The following GBP4 variants were observed in gnomAD, a reference collection of about 807,000 sequenced individuals.
GBP4 encodes guanylate-binding protein 4.
In GBP4, 69 loss-of-function variants were observed where a neutral mutation model predicts 62.2. The ratio of observed to expected loss-of-function variants is 1.11; its 90% CI spans 0.91 to 1.36. The LOEUF (loss-of-function observed/expected upper bound fraction) is 1.36. GBP4 is among the 40% of genes most tolerant of loss of function. GBP4 has a pLI of 0.00. For synonymous variants in GBP4, 278 were observed against 274.6 expected (o/e 1.01, Z -0.12); for missense variants, 697 against 759.3 (o/e 0.92, Z 0.96).
Position 89,195,304 on chromosome 1 carries a change from A to T in GBP4, c.356T>A (p.Val119Glu), listed in dbSNP as rs138693968. The change falls in exon 3 of 11, where the codon GTA becomes GAA. Residue 119 changes from valine to glutamate, a missense_variant. This residue lies in a region of GBP4 where 556 missense variants were observed against 562.7 expected (regional missense o/e 0.99). Coordinates refer to ENST00000355754, the MANE Select transcript of GBP4 (RefSeq NM_052941.5). ...VLLDTEGLGD[V>E]EKSNPKNDSW... is the part of the protein sequence containing the mutation. ...GAAGTTTCTCTGCCTTACCTTTTCTACATCGCCCAGGCCCTCGGTGTCCAG... is the reference window on the plus strand; with the variant it reads ...GAAGTTTCTCTGCCTTACCTTTTCTTCATCGCCCAGGCCCTCGGTGTCCAG... 6.2e-7 allele frequency: 1 copy of T among 1,613,702 alleles called. No homozygotes were observed. Among genetic ancestry groups the T allele is most frequent in the African/African-American group, 1.3e-5 (1 of 74,916 alleles).
At chr1:89,198,670 C>A in intron 1 of GBP4, 125 bp downstream of exon 1, 1 of 844,052 alleles carries the variant, frequency 1.2e-6, no homozygotes, top group Non-Finnish European at 2.0e-6. Flanking sequence ...GGTTCCTCCA[C>A]TGCCTTTGTC....
At chr1:89,195,681 A>T (rs1197874659) in intron 2 of GBP4, among the ~76,000 whole-genome samples, 1 of 152,178 alleles carries the variant, frequency 6.6e-6, no homozygotes, top group Non-Finnish European at 1.5e-5. Context: ...AGGAAGTAGG[A>T]CATTAGGGGG....
intron 2 of GBP4, among the ~76,000 whole-genome samples, chr1:89,196,522 G>C (rs1557476955): frequency 1.3e-5 from 2 of 152,126 alleles, no homozygotes; most frequent in Non-Finnish European, 2.9e-5. Flanking sequence ...TTTATTTCTT[G>C]ATCTGGATAG....
At chr1:89,192,588 A>G (rs946829645) in intron 5 of GBP4, among the ~76,000 whole-genome samples, 1 of 152,254 alleles carries the variant, frequency 6.6e-6, no homozygotes, top group Admixed American at 6.5e-5. Flanking sequence ...TAAGTAACAC[A>G]AATATATGAG....
chr1:89,186,890 G>A lies in GBP4; in HGVS notation c.1513+110C>T, dbSNP rs41312660. The A allele has an allele frequency of 1.7e-5, 16 of 953,596 alleles. No homozygotes were observed. The African/African-American group carries it at 2.0e-4, about 12-fold the overall frequency. The allele number at this position is 953,596 out of a possible 1,614,324, so 59.1% of individuals were successfully genotyped here. ...GAACTTATTAATATTTTAACTCAATGTTTGTGACTTTTGAAGCTCCTTTTA... is the reference window on the plus strand; with the variant it reads ...GAACTTATTAATATTTTAACTCAATATTTGTGACTTTTGAAGCTCCTTTTA... On this transcript the variant is annotated intron_variant, in intron 9 of 10. Coordinates refer to ENST00000355754, the MANE Select transcript of GBP4 (RefSeq NM_052941.5).
chr1:89,190,523 T>A (rs1648153119), intron 6 of GBP4, among the ~76,000 whole-genome samples: 1 of 152,166 alleles, frequency 6.6e-6, no homozygotes, highest in Admixed American at 6.5e-5. Context: ...TTCACTCTTT[T>A]TTATGGCTCT....
chr1:89,193,517 A>G (rs1382045620), intron 3 of GBP4, 105 bp from the exon 4 acceptor site: 4 of 968,692 alleles, frequency 4.1e-6, no homozygotes. Flanking sequence ...GTTGAATAAT[A>G]GGGTAAATAA....
At chr1:89,197,340 G>C (rs1383352338) in intron 1 of GBP4, 36 bp from the exon 2 acceptor site, 12 of 1,579,026 alleles carry the variant, frequency 7.6e-6, no homozygotes, top group Middle Eastern at 1.8e-4. Flanking sequence ...TAGAATACAA[G>C]ATCTTGAAGT....
intron 8 of GBP4, among the ~76,000 whole-genome samples, chr1:89,187,854 T>G (rs1024854480): frequency 1.3e-5 from 2 of 152,236 alleles, no homozygotes; most frequent in South Asian, 2.1e-4. Context: ...GGCAAAGATA[T>G]GGAGAAAAGG....
Position 89,183,200 on chromosome 1 carries a change from G to C in GBP4, c.*2054C>G, listed in dbSNP as rs1647934074. The C allele has an allele frequency of 6.6e-6, 1 of 152,134 alleles. No individual in the cohort carries two copies. The highest frequency in any genetic ancestry group is 1.5e-5 in the Non-Finnish European group (1 of 68,024). 9.4% of individuals were successfully genotyped at this position (152,134 alleles called of 1,614,324 possible). A position where few individuals can be genotyped will look rare whatever the true frequency, so the allele number is the denominator to read the frequency against. On this transcript the variant is annotated 3_prime_UTR_variant, in exon 11 of 11. Transcript: ENST00000355754. ...ACAGCATGGTATTAGTAGAAAAACAGACACACAGATAAATGGAACATAACA... is the reference window on the plus strand; with the variant it reads ...ACAGCATGGTATTAGTAGAAAAACACACACACAGATAAATGGAACATAACA...
rs930548447 is a variant in GBP4 at position 89,186,672 on chromosome 1, A to G, written c.1514-146T>C. On this transcript the variant is annotated intron_variant, in intron 9 of 10. Transcript: ENST00000355754. ...AATTATCTCACTAGCCATGTCTGGA[A>G]GAGAATGTTGAATAATGTGATGCGA... The G allele has an allele frequency of 1.8e-5, 14 of 792,566 alleles. No individual in the cohort carries two copies. In the African/African-American group the frequency reaches 2.4e-4, roughly 14 times the overall value. 49.1% of individuals were successfully genotyped at this position (792,566 alleles called of 1,614,324 possible).
At chr1:89,185,694 TAGAA>T (rs1460064747) in intron 10 of GBP4, among the ~76,000 whole-genome samples, 1 of 152,096 alleles carries the variant, frequency 6.6e-6, no homozygotes, top group African/African-American at 2.4e-5. Context: ...TCACTGGAGG[TAGAA>T]AGAAATTTTG....
At position 89,190,100 on chromosome 1, in the gene GBP4, T is replaced by C. The variant is rs1831240; in HGVS notation, c.1135A>G (p.Ile379Val). The change falls in exon 7 of 11, where the codon ATT becomes GTT. Residue 379 changes from isoleucine (I) to valine (V), a missense_variant. Transcript: ENST00000355754. ...AAGGAGTGCTCCATGAAGACTGCAA[T>C]GGCTTCCCTCTCACAGGCTGCATGC... ...DVHAACEREA[I>V]AVFMEHSFKD... 21,643 of 1,614,106 alleles carry C rather than the reference T, an allele frequency of 0.013. 2,344 individuals are homozygous for C. The African/African-American group carries it at 0.25, about 18-fold the overall frequency.
intron 3 of GBP4, among the ~76,000 whole-genome samples, chr1:89,194,387 G>A (rs115241678): frequency 0.03 from 4,532 of 152,152 alleles, 69 homozygotes; most frequent in Middle Eastern, 0.048. Flanking sequence ...CTTGACAAAC[G>A]TAATTAGACA....
intron 8 of GBP4, among the ~76,000 whole-genome samples, chr1:89,187,722 G>T (rs761758551): frequency 1.2e-4 from 19 of 152,144 alleles, no homozygotes; most frequent in Non-Finnish European, 2.5e-4. Flanking sequence ...TGGCCAACAG[G>T]TATGTGAAAG....
intron 10 of GBP4, among the ~76,000 whole-genome samples, chr1:89,185,796 ATC>A (rs1310852213): frequency 6.6e-6 from 1 of 152,248 alleles, no homozygotes; most frequent in Non-Finnish European, 1.5e-5. Flanking sequence ...GGCCATGCTC[ATC>A]TAGCAAATAA....
Position 89,182,436 on chromosome 1 carries a change from A to T in GBP4, c.*2818T>A, listed in dbSNP as rs1345784541. 1 of 151,610 alleles carries T rather than the reference A, an allele frequency of 6.6e-6. No homozygotes were observed. The highest frequency in any genetic ancestry group is 2.1e-4 in the South Asian group (1 of 4,804). 9.4% of individuals were successfully genotyped at this position (151,610 alleles called of 1,614,324 possible). ...GAGTTTCCAAATGTTCTTCTATACA[A>T]TGTCTGGAATCTATGAATAACATCG... is the stretch of plus-strand genomic sequence containing the variant. On this transcript the variant is annotated 3_prime_UTR_variant, in exon 11 of 11. Coordinates refer to ENST00000355754, the MANE Select transcript of GBP4 (RefSeq NM_052941.5).
chr1:89,198,916 A>G lies in GBP4; in HGVS notation c.-82T>C, dbSNP rs552628931. 7.6e-7 allele frequency: 1 copy of G among 1,321,802 alleles called. No individual in the cohort carries two copies. The highest frequency in any genetic ancestry group is 1.2e-5 in the South Asian group (1 of 85,208). 81.9% of individuals were successfully genotyped at this position (1,321,802 alleles called of 1,614,324 possible). On this transcript the variant is annotated 5_prime_UTR_variant, in exon 1 of 11. Coordinates refer to ENST00000355754, the MANE Select transcript of GBP4 (RefSeq NM_052941.5). ...AGTCCAGCCGGATTTACAGACATCC[A>G]AGTAAGAGTCTGTGAGAACCGAAAT...
chr1:89,192,561 G>A (rs765830475), intron 5 of GBP4, among the ~76,000 whole-genome samples: 5 of 152,134 alleles, frequency 3.3e-5, no homozygotes, highest in Non-Finnish European at 7.3e-5. Flanking sequence ...TAGAATAGGA[G>A]GAGCATTTGA....
Sources: allele counts gnomAD v4.1 joint callset (sites outside exome capture counted in the v4.1 genomes callset), GRCh38; gene constraint gnomAD v4.1.1; regional missense constraint gnomAD v4.1.1; transcripts MANE v1.5; gene names NCBI Gene and HGNC (gene_info 2026-07-23, HGNC 2026-07-21).